The following CLEC16A variants were observed in gnomAD, a reference collection of about 807,000 sequenced individuals.
CLEC16A encodes the protein C-type lectin domain containing 16A.
Under a neutral mutation model 109.5 loss-of-function variants are expected in CLEC16A, and 51 were observed. The observed-to-expected ratio is 0.47, with a 90% CI of 0.37 to 0.59. The LOEUF (loss-of-function observed/expected upper bound fraction) is 0.59. Ranked by LOEUF, CLEC16A falls within the 20% of genes least tolerant of loss-of-function variation. CLEC16A has a pLI of 0.00. For missense variants in CLEC16A, 1,339 were observed against 1,394.0 expected, an observed-to-expected ratio of 0.96 and a Z score of 0.63; for synonymous variants, 673 against 564.2, an observed-to-expected ratio of 1.19 and a Z score of -2.73.
At chr16:10,986,528 T>A (rs1596898005) in intron 10 of CLEC16A, among the ~76,000 whole-genome samples, 1 of 152,198 alleles carries the variant, frequency 6.6e-6, no homozygotes, top group East Asian at 1.9e-4. Flanking sequence ...TGATACTTCA[T>A]ACCCACTGGA....
chr16:11,041,903 C>T (rs945287333), intron 14 of CLEC16A: 40 of 209,436 alleles, frequency 1.9e-4, no homozygotes, highest in African/African-American at 8.3e-4. Flanking sequence ...CAGCTCCACC[C>T]AAATCACATG....
chr16:11,137,400 A>G (rs1441216648), intron 22 of CLEC16A, among the ~76,000 whole-genome samples: 1 of 151,994 alleles, frequency 6.6e-6, no homozygotes, highest in Non-Finnish European at 1.5e-5. Flanking sequence ...CTCAAAGACA[A>G]TCCCCTGGAA....
rs1220936662 is a variant in CLEC16A at position 11,174,330 on chromosome 16, A to G, written c.2807-4005A>G. 7.1e-6 allele frequency: 3 copies of G among 425,160 alleles called. No homozygotes were observed. In the Admixed American group the frequency reaches 7.3e-5, roughly 10 times the overall value. 26.3% of individuals were successfully genotyped at this position (425,160 alleles called of 1,614,324 possible). The stretch of plus-strand genomic sequence containing the variant: ...CCGCGACGTCCACTCGCCACGCTGC[A>G]TTTCCACAGTCGGCAGGGTCCGCGC... On this transcript the variant is annotated intron_variant, in intron 23 of 23. Coordinates refer to ENST00000409790, the MANE Select transcript of CLEC16A (RefSeq NM_015226.3). The surrounding 1 kb of genome is among the most constrained non-coding windows in gnomAD (Gnocchi z 4.7).
At chr16:11,147,962 A>G (rs533857171) in intron 22 of CLEC16A, among the ~76,000 whole-genome samples, 18 of 152,240 alleles carry the variant, frequency 1.2e-4, no homozygotes, top group Admixed American at 2.6e-4. Context: ...CCTTTTTTCC[A>G]TTTCTTTTTG....
intron 22 of CLEC16A, among the ~76,000 whole-genome samples, chr16:11,141,719 A>T (rs2053839707): frequency 6.6e-6 from 1 of 152,240 alleles, no homozygotes; most frequent in South Asian, 2.1e-4. Context: ...ACGGTCTGGG[A>T]TGTGGGAGGT....
intron 10 of CLEC16A, among the ~76,000 whole-genome samples, chr16:10,986,894 C>T (rs1487569871): frequency 2.0e-5 from 3 of 151,734 alleles, no homozygotes. Context: ...GGCTCTGTCG[C>T]CCAGGCTGGA....
At chr16:11,166,629 C>A in intron 23 of CLEC16A, 77 bp downstream of exon 23, 6 of 1,373,868 alleles carry the variant, frequency 4.4e-6, no homozygotes, top group Non-Finnish European at 5.8e-6. Flanking sequence ...AAACCCCTGA[C>A]CTCCAGGTCC....
In CLEC16A at chr16:11,077,954, C is replaced by CA. The variant is rs1186940938; in HGVS notation, c.2116+16941dup. On this transcript the variant is annotated intron_variant, in intron 19 of 23. Coordinates refer to ENST00000409790, the MANE Select transcript of CLEC16A (RefSeq NM_015226.3). ...CCAACATGGTGAAACTCCATCTCTA[C>CA]AAAAAAAAACGTGTGTGTGTGTGTG... Among the ~76,000 whole-genome samples, 971 of 133,142 alleles carry CA rather than the reference C, an allele frequency of 7.3e-3. 17 individuals are homozygous for CA. Among genetic ancestry groups the CA allele is most frequent in the African/African-American group, 0.026 (906 of 34,958 alleles). The allele number at this position is 133,142 out of a possible 152,430, so 87.3% of individuals were successfully genotyped here.
chr16:11,100,014 C>A lies in CLEC16A; in HGVS notation c.2117-20601C>A, dbSNP rs140846363. ...CTGACTGGGTACACAGGCTCTACAC[C>A]CCTGCCAACTGTCTGACCACGGTGG... On this transcript the variant is annotated intron_variant, in intron 19 of 23. Transcript: ENST00000409790. Among the ~76,000 whole-genome samples, 20 of 152,228 alleles carry A rather than the reference C, an allele frequency of 1.3e-4. No homozygotes were observed. In the East Asian group the frequency reaches 3.7e-3, roughly 28 times the overall value.
Position 11,101,424 on chromosome 16 carries a change from C to T in CLEC16A, c.2117-19191C>T, listed in dbSNP as rs550471266. Reference sequence around the variant, plus strand: ...CACCATGTTCCCTCCTGCCTCTGGCCCATGGTACATGCCCCTTCCCTGCAT... The same window carrying T: ...CACCATGTTCCCTCCTGCCTCTGGCTCATGGTACATGCCCCTTCCCTGCAT... On this transcript the variant is annotated intron_variant, in intron 19 of 23. Transcript: ENST00000409790. Among the ~76,000 whole-genome samples the T allele has an allele frequency of 1.9e-4, 29 of 152,332 alleles. No homozygotes were observed. The South Asian group carries it at 2.7e-3, about 14-fold the overall frequency.
intron 19 of CLEC16A, among the ~76,000 whole-genome samples, chr16:11,074,169 C>CT (rs2049223390): frequency 6.6e-6 from 1 of 151,348 alleles, no homozygotes; most frequent in African/African-American, 2.4e-5. Context: ...TTTCTTTTTT[C>CT]TTTTTCCTTA....
intron 11 of CLEC16A, among the ~76,000 whole-genome samples, chr16:11,006,816 C>G (rs1030960292): frequency 2.0e-5 from 3 of 152,140 alleles, no homozygotes; most frequent in Non-Finnish European, 4.4e-5. Flanking sequence ...CACCCCTAAC[C>G]CATCCACTCC....
chr16:11,148,063 A>C (rs1466737456), intron 22 of CLEC16A, among the ~76,000 whole-genome samples: 1 of 152,138 alleles, frequency 6.6e-6, no homozygotes, highest in Non-Finnish European at 1.5e-5. Flanking sequence ...TGCATTTCAT[A>C]CCTTTCCAGA....
intron 19 of CLEC16A, among the ~76,000 whole-genome samples, chr16:11,081,245 T>A (rs2049698340): frequency 6.6e-6 from 1 of 152,220 alleles, no homozygotes; most frequent in Non-Finnish European, 1.5e-5. Context: ...AACAGCAACC[T>A]TTTGTCCTTT....
chr16:11,095,020 A>AAGC (rs2050524227), intron 19 of CLEC16A, among the ~76,000 whole-genome samples: 1 of 152,120 alleles, frequency 6.6e-6, no homozygotes, highest in Admixed American at 6.5e-5. Flanking sequence ...AGGTGTGATC[A>AAGC]AGCAGAACTA....
At chr16:11,081,867 A>G (rs764476190) in intron 19 of CLEC16A, among the ~76,000 whole-genome samples, 6 of 152,228 alleles carry the variant, frequency 3.9e-5, no homozygotes, top group Middle Eastern at 3.4e-3. Context: ...TGTTTTTTCA[A>G]TAAATGAGAA....
chr16:10,964,922 T>A (rs1359043904), intron 3 of CLEC16A, among the ~76,000 whole-genome samples: 2 of 152,140 alleles, frequency 1.3e-5, no homozygotes, highest in Non-Finnish European at 1.5e-5. Flanking sequence ...ATGCAGTAGA[T>A]CTGTTAGCAG....
intron 22 of CLEC16A, among the ~76,000 whole-genome samples, chr16:11,127,325 A>C (rs998297271): frequency 2.0e-5 from 3 of 152,184 alleles, no homozygotes; most frequent in South Asian, 2.1e-4. Flanking sequence ...ATGGGCAAAA[A>C]AATCTTTTTT....
intron 20 of CLEC16A, among the ~76,000 whole-genome samples, chr16:11,122,535 A>T (rs2153029616): frequency 6.6e-6 from 1 of 151,614 alleles, no homozygotes; most frequent in Admixed American, 6.6e-5. Flanking sequence ...ACTATACCAG[A>T]CTCCCTGCTT....
Sources: gnomAD v4.1 joint callset for allele counts (sites outside exome capture counted in the v4.1 genomes callset) on GRCh38, gnomAD v4.1.1 for gene constraint, Gnocchi (gnomAD v3.1) non-coding constraint, MANE v1.5 for transcripts, NCBI Gene and HGNC (gene_info 2026-07-23, HGNC 2026-07-21) for gene names.